CSTF3: variants seen among roughly 807,000 people sequenced by gnomAD.
CSTF3 encodes the protein CF-1 77 kDa subunit.
A neutral mutation model predicts 105.8 loss-of-function variants in CSTF3; 29 were observed. That is an observed-to-expected ratio of 0.27 (90% CI 0.20 to 0.37). The LOEUF (loss-of-function observed/expected upper bound fraction) is 0.37. CSTF3 is among the 10% of genes least tolerant of loss of function. The pLI is 1.00. For missense variants in CSTF3, 357 were observed against 879.3 expected (o/e 0.41, Z 7.51); for synonymous variants, 252 against 281.9 (o/e 0.89, Z 1.06).
chr11:33,159,956 T>C (rs1353049888), intron 1 of CSTF3, among the ~76,000 whole-genome samples: 1 of 152,124 alleles, frequency 6.6e-6, no homozygotes, highest in Non-Finnish European at 1.5e-5. Flanking sequence ...TCTGTCCCAC[T>C]GAAACACCAC....
intron 3 of CSTF3, among the ~76,000 whole-genome samples, chr11:33,125,421 C>T (rs1479917114): frequency 6.6e-6 from 1 of 152,140 alleles, no homozygotes; most frequent in Non-Finnish European, 1.5e-5. Context: ...TGCATTCCTC[C>T]AGAAAGGGTA....
At chr11:33,118,065 T>G (rs1205548653) in intron 3 of CSTF3, among the ~76,000 whole-genome samples, 1 of 151,264 alleles carries the variant, frequency 6.6e-6, no homozygotes, top group African/African-American at 2.4e-5. Context: ...ATCTCTAATC[T>G]CATGACAGAT....
At chr11:33,118,131 G>A (rs1371943546) in intron 3 of CSTF3, among the ~76,000 whole-genome samples, 14 of 149,562 alleles carry the variant, frequency 9.4e-5, no homozygotes, top group Admixed American at 6.0e-4. Context: ...GATTTTGAAC[G>A]GTAAGTTTCT....
intron 3 of CSTF3, among the ~76,000 whole-genome samples, chr11:33,121,330 T>C (rs1328291476): frequency 6.6e-6 from 1 of 152,136 alleles, no homozygotes; most frequent in Non-Finnish European, 1.5e-5. Flanking sequence ...TCTACGTACT[T>C]ATCTCCAGAA....
rs866352428 is a variant in CSTF3 at position 33,131,628 on chromosome 11, C to T, written c.225+10039G>A. Among the ~76,000 whole-genome samples the T allele has an allele frequency of 1.3e-3, 198 of 151,934 alleles. 5 individuals carry two copies. The Middle Eastern group carries it at 0.024, about 18-fold the overall frequency. On this transcript the variant is annotated intron_variant, in intron 3 of 20. Transcript: ENST00000323959. ...TTGGGAGGCCGAGGCAGGCGGATCA[C>T]GAGGTCAGGAGATCGAGACCATCCT...
chr11:33,137,458 G>C (rs1371621735), intron 3 of CSTF3, among the ~76,000 whole-genome samples: 1 of 151,768 alleles, frequency 6.6e-6, no homozygotes, highest in Non-Finnish European at 1.5e-5. Flanking sequence ...AGAATGGATA[G>C]GGAAAAGGGA....
intron 5 of CSTF3, 55 bp from the exon 6 acceptor site, chr11:33,106,119 C>T: frequency 4.3e-6 from 6 of 1,383,242 alleles, no homozygotes; most frequent in Non-Finnish European, 3.1e-6. Flanking sequence ...TAAAATTTAT[C>T]TACAATTAGG....
chr11:33,161,262 G>C (rs1849938843), intron 1 of CSTF3, 37 bp downstream of exon 1: 8 of 1,611,396 alleles, frequency 5.0e-6, no homozygotes, highest in African/African-American at 4.0e-5. Flanking sequence ...ACGTGGAGAA[G>C]AGGTCGCCAC....
chr11:33,136,718 C>T (rs533751028), intron 3 of CSTF3, among the ~76,000 whole-genome samples: 2 of 151,968 alleles, frequency 1.3e-5, no homozygotes, highest in East Asian at 3.9e-4. Context: ...AGGTTTCTAG[C>T]TCTGTGATAT....
At chr11:33,108,951 GAC>G (rs1855353015) in intron 3 of CSTF3, among the ~76,000 whole-genome samples, 1 of 152,144 alleles carries the variant, frequency 6.6e-6, no homozygotes, top group South Asian at 2.1e-4. Context: ...GGGAAAATAA[GAC>G]AACGAAGTGG....
At chr11:33,106,994 G>A (rs547113541) in intron 5 of CSTF3, among the ~76,000 whole-genome samples, 1 of 152,130 alleles carries the variant, frequency 6.6e-6, no homozygotes, top group African/African-American at 2.4e-5. Context: ...AAACAGACCA[G>A]GTGTGGTGGT....
At chr11:33,121,441 G>C (rs901789229) in intron 3 of CSTF3, among the ~76,000 whole-genome samples, 2 of 151,996 alleles carry the variant, frequency 1.3e-5, no homozygotes, top group African/African-American at 2.4e-5. Context: ...ACATTTAAAG[G>C]CTTAACGAAA....
chr11:33,143,578 A>G (rs1855740391), intron 1 of CSTF3, among the ~76,000 whole-genome samples: 1 of 152,036 alleles, frequency 6.6e-6, no homozygotes, highest in Non-Finnish European at 1.5e-5. Flanking sequence ...GTTGAAACCC[A>G]GTCTCTACTA....
At chr11:33,151,954 C>T (rs1292407230) in intron 1 of CSTF3, among the ~76,000 whole-genome samples, 2 of 152,160 alleles carry the variant, frequency 1.3e-5, no homozygotes, top group Non-Finnish European at 2.9e-5. Flanking sequence ...CAAAGTAGAG[C>T]GTCTTTTCAT....
intron 3 of CSTF3, among the ~76,000 whole-genome samples, chr11:33,122,941 A>T (rs992432358): frequency 6.7e-6 from 1 of 149,528 alleles, no homozygotes; most frequent in Admixed American, 6.6e-5. Context: ...AAAAGAAAAG[A>T]AAAAAGAAAA....
At chr11:33,086,554 C>T in intron 18 of CSTF3, among the ~76,000 whole-genome samples, 1 of 152,106 alleles carries the variant, frequency 6.6e-6, no homozygotes, top group Middle Eastern at 3.2e-3. Flanking sequence ...TCTCCTGCCT[C>T]AGCCTCCCAA....
At chr11:33,117,717 C>T (rs183619509) in intron 3 of CSTF3, among the ~76,000 whole-genome samples, 1 of 151,698 alleles carries the variant, frequency 6.6e-6, no homozygotes, top group Admixed American at 6.6e-5. Context: ...ATTTGAGAAC[C>T]TATATTACCA....
intron 13 of CSTF3, among the ~76,000 whole-genome samples, chr11:33,097,267 A>G (rs554560841): frequency 1.3e-5 from 2 of 152,390 alleles, no homozygotes; most frequent in Non-Finnish European, 2.9e-5. Context: ...TATGTAAATT[A>G]AAGTTTAAGA....
intron 1 of CSTF3, among the ~76,000 whole-genome samples, chr11:33,153,766 A>G (rs990176393): frequency 2.1e-4 from 32 of 152,080 alleles, no homozygotes; most frequent in Non-Finnish European, 3.8e-4. Context: ...TTCATGATAA[A>G]TTAGAAGGGT....
Sources: allele counts gnomAD v4.1 joint callset (sites outside exome capture counted in the v4.1 genomes callset), GRCh38; gene constraint gnomAD v4.1.1; transcripts MANE v1.5; gene names NCBI Gene and HGNC (gene_info 2026-07-23, HGNC 2026-07-21).